GDAP2: variants seen among roughly 807,000 people sequenced by gnomAD.
The protein encoded by GDAP2 is ganglioside induced differentiation associated protein 2.
Under a neutral mutation model 67.0 loss-of-function variants are expected in GDAP2, and 51 were observed. That is an observed-to-expected ratio of 0.76 (90% CI 0.61 to 0.96). The LOEUF (loss-of-function observed/expected upper bound fraction) is 0.96. Among genes scored for constraint, GDAP2 ranks in the 40% least tolerant of loss-of-function variants. The pLI, the probability that GDAP2 is intolerant of heterozygous loss-of-function variation, is 0.00. For synonymous variants in GDAP2, 203 were observed against 207.3 expected (o/e 0.98, Z 0.18); for missense variants, 547 against 588.3 (o/e 0.93, Z 0.73).
intron 11 of GDAP2, chr1:117,883,095 C>T (rs1448021761): frequency 1.3e-5 from 2 of 153,528 alleles, no homozygotes; most frequent in Non-Finnish European, 2.9e-5. Flanking sequence ...AGACTTTGGG[C>T]ACATACTTCA....
At chr1:117,918,178 G>A (rs1045554014) in intron 3 of GDAP2, among the ~76,000 whole-genome samples, 1 of 152,180 alleles carries the variant, frequency 6.6e-6, no homozygotes, top group Non-Finnish European at 1.5e-5. Flanking sequence ...TGGGAAGATT[G>A]AATTTCACAG....
At chr1:117,884,619 T>G (rs1205881165) in intron 10 of GDAP2, among the ~76,000 whole-genome samples, 2 of 152,110 alleles carry the variant, frequency 1.3e-5, no homozygotes, top group South Asian at 2.1e-4. Context: ...TATCTCAATA[T>G]TTTACAGGAA....
chr1:117,877,262 C>A, intron 13 of GDAP2: 1 of 945,712 alleles, frequency 1.1e-6, no homozygotes, highest in Non-Finnish European at 1.3e-6. Context: ...AAACACTGCA[C>A]AATAATTAGG....
rs1324392103 is a variant in GDAP2 at position 117,887,857 on chromosome 1, C to T, written c.954-83G>A. On this transcript the variant is annotated intron_variant, in intron 8 of 13. Transcript: ENST00000369443. ...TGGGACCAATTTTTAATACCCTTCCCTGACCCTAAAAATTTTCAAGTATAT... is the reference window on the plus strand; with the variant it reads ...TGGGACCAATTTTTAATACCCTTCCTTGACCCTAAAAATTTTCAAGTATAT... The T allele has an allele frequency of 1.2e-5, 9 of 778,070 alleles. No individual in the cohort carries two copies. In the African/African-American group the frequency reaches 1.4e-4, roughly 12 times the overall value. 48.2% of individuals were successfully genotyped at this position (778,070 alleles called of 1,614,324 possible).
chr1:117,925,205 C>G (rs756845173), intron 1 of GDAP2, among the ~76,000 whole-genome samples: 5 of 152,262 alleles, frequency 3.3e-5, no homozygotes, highest in Non-Finnish European at 7.4e-5. Flanking sequence ...GTAATCCCAG[C>G]AGTTTGGGAG....
intron 3 of GDAP2, 119 bp from the exon 4 acceptor site, chr1:117,912,802 A>C (rs1185175085): frequency 9.9e-6 from 8 of 808,798 alleles, no homozygotes; most frequent in Non-Finnish European, 1.6e-5. Flanking sequence ...TTAAAAATAC[A>C]GACTGAACAC....
chr1:117,884,441 A>G (rs1648777780), intron 10 of GDAP2, among the ~76,000 whole-genome samples: 1 of 152,216 alleles, frequency 6.6e-6, no homozygotes, highest in South Asian at 2.1e-4. Context: ...TTACTGTAAA[A>G]CAAACTGTTT....
chr1:117,922,019 T>A (rs1650269124), intron 1 of GDAP2, among the ~76,000 whole-genome samples: 1 of 152,028 alleles, frequency 6.6e-6, no homozygotes, highest in Non-Finnish European at 1.5e-5. Context: ...TGGAGTAGGT[T>A]GTAGGGTAGA....
At chr1:117,907,903 T>C (rs1649713642) in intron 5 of GDAP2, among the ~76,000 whole-genome samples, 1 of 152,202 alleles carries the variant, frequency 6.6e-6, no homozygotes, top group Admixed American at 6.5e-5. Flanking sequence ...AACCCTAGCA[T>C]GACTCTCTAT....
chr1:117,891,514 T>TATCTC lies in GDAP2; in HGVS notation c.954-3741_954-3740insGAGAT, dbSNP rs1557799659. ...AGCATTTCTCTGGTCAGTAATGAGG[T>TATCTC]TGAGATTCTGCTCATGTTGACTTGA... is the stretch of plus-strand genomic sequence containing the variant. On this transcript the variant is annotated intron_variant, in intron 8 of 13. Coordinates refer to ENST00000369443, the MANE Select transcript of GDAP2 (RefSeq NM_017686.4). 2.0e-5 allele frequency among the ~76,000 whole-genome samples: 3 copies of TATCTC among 152,104 alleles called. No individual in the cohort carries two copies. The East Asian group carries it at 5.8e-4, about 29-fold the overall frequency.
At chr1:117,904,898 G>A (rs1649606734) in intron 6 of GDAP2, among the ~76,000 whole-genome samples, 1 of 152,178 alleles carries the variant, frequency 6.6e-6, no homozygotes. Flanking sequence ...AACGTGTTCA[G>A]AAAATAATTT....
chr1:117,924,448 C>T (rs1180420226), intron 1 of GDAP2, among the ~76,000 whole-genome samples: 5 of 152,168 alleles, frequency 3.3e-5, no homozygotes, highest in Admixed American at 3.3e-4. Flanking sequence ...TATGTTGCTG[C>T]AAAGGACATG....
At chr1:117,876,591 A>G (rs866525615) in intron 13 of GDAP2, among the ~76,000 whole-genome samples, 13 of 152,330 alleles carry the variant, frequency 8.5e-5, no homozygotes, top group Middle Eastern at 3.4e-3. Context: ...CAATGAGCCA[A>G]GTGTTAGATT....
At chr1:117,870,729 T>C (rs1426391780) in intron 13 of GDAP2, 113 bp from the exon 14 acceptor site, 5 of 766,224 alleles carry the variant, frequency 6.5e-6, no homozygotes, top group Non-Finnish European at 9.3e-6. Context: ...GTCTAGCACA[T>C]GTCTGGCACT....
Position 117,865,432 on chromosome 1 carries a change from T to G in GDAP2, c.*5137A>C, listed in dbSNP as rs1323241593. 1 of 152,180 alleles carries G rather than the reference T, an allele frequency of 6.6e-6. No homozygotes were observed. The allele number at this position is 152,180 out of a possible 1,614,324, so 9.4% of individuals were successfully genotyped here. The stretch of plus-strand genomic sequence containing the variant: ...CTTTCTGAATTTTCAGTAAGCAAAT[T>G]GTAAGATCTGTCAATTTAAGCATTT... On this transcript the variant is annotated 3_prime_UTR_variant, in exon 14 of 14. Coordinates refer to ENST00000369443, the MANE Select transcript of GDAP2 (RefSeq NM_017686.4).
At position 117,866,085 on chromosome 1, in the gene GDAP2, G is replaced by A. The variant is rs1648051088; in HGVS notation, c.*4484C>T. Reference sequence around the variant, plus strand: ...CTAGATTATAGGTATGTTATGAACTGAATGCTTATGTTCTCCTCCTCGTCT... The same window carrying A: ...CTAGATTATAGGTATGTTATGAACTAAATGCTTATGTTCTCCTCCTCGTCT... On this transcript the variant is annotated 3_prime_UTR_variant, in exon 14 of 14. Transcript: ENST00000369443. 6.6e-6 allele frequency: 1 copy of A among 152,194 alleles called. No individual in the cohort carries two copies. Among genetic ancestry groups the A allele is most frequent in the Non-Finnish European group, 1.5e-5 (1 of 68,048 alleles). 9.4% of individuals were successfully genotyped at this position (152,194 alleles called of 1,614,324 possible). A position where few individuals can be genotyped will look rare whatever the true frequency, so the allele number is the denominator to read the frequency against.
Position 117,881,825 on chromosome 1 carries a change from T to C in GDAP2, c.1300A>G (p.Lys434Glu). 2.6e-6 allele frequency: 4 copies of C among 1,531,320 alleles called. No homozygotes were observed. Among genetic ancestry groups the C allele is most frequent in the Non-Finnish European group, 9.1e-7 (1 of 1,104,750 alleles). The allele number at this position is 1,531,320 out of a possible 1,614,324, so 94.9% of individuals were successfully genotyped here. A position where few individuals can be genotyped will look rare whatever the true frequency, so the allele number is the denominator to read the frequency against. Residue 434 changes from lysine (K) to glutamate (E), a missense_variant and splice_region_variant, in exon 12 of 14, where the codon AAG becomes GAG. Physicochemically the swap from Lys to Glu is moderately conservative, Grantham distance 56. Transcript: ENST00000369443. ...AACCAAAGAGAAAAATACTGTACCT[T>C]TGAACGAAATGTGGGATGTACAAAA... ...VYFVHPTFRS[K>E]VSTWFFTTFS...
chr1:117,888,768 G>A (rs756029209), intron 8 of GDAP2, among the ~76,000 whole-genome samples: 5 of 152,006 alleles, frequency 3.3e-5, no homozygotes, highest in South Asian at 2.1e-4. Flanking sequence ...TACTGCTTTC[G>A]GTGCAAACTT....
chr1:117,922,586 GTC>G (rs763746173), intron 1 of GDAP2, among the ~76,000 whole-genome samples: 31 of 152,170 alleles, frequency 2.0e-4, no homozygotes, highest in Non-Finnish European at 3.2e-4. Context: ...AAAGCTGGGT[GTC>G]CAGGGGAGAC....
Sources: gnomAD v4.1 joint callset for allele counts (sites outside exome capture counted in the v4.1 genomes callset) on GRCh38, gnomAD v4.1.1 for gene constraint, MANE v1.5 for transcripts, NCBI Gene and HGNC (gene_info 2026-07-23, HGNC 2026-07-21) for gene names.